The following CFAP45 variants were observed in gnomAD, a reference collection of about 807,000 sequenced individuals.
CFAP45 encodes cilia- and flagella-associated protein 45.
CFAP45 carries 43 observed loss-of-function variants against 75.6 expected under a neutral mutation model. The observed-to-expected ratio is 0.57, with a 90% CI of 0.45 to 0.73. The LOEUF (loss-of-function observed/expected upper bound fraction) is 0.73, where lower values mean the gene tolerates loss of function less well. Ranked by LOEUF, CFAP45 falls within the 30% of genes least tolerant of loss-of-function variation. The pLI is 0.00. For synonymous variants in CFAP45, 223 were observed against 244.6 expected (o/e 0.91, Z 0.82); for missense variants, 689 against 701.5 (o/e 0.98, Z 0.20).
intron 1 of CFAP45, among the ~76,000 whole-genome samples, chr1:159,895,887 C>A (rs1649941896): frequency 6.6e-6 from 1 of 152,202 alleles, no homozygotes; most frequent in South Asian, 2.1e-4. Flanking sequence ...CAGTGCCTGG[C>A]ACATGTAGTA....
intron 1 of CFAP45, among the ~76,000 whole-genome samples, chr1:159,897,248 A>C (rs1649972598): frequency 1.3e-5 from 2 of 152,020 alleles, no homozygotes; most frequent in Admixed American, 6.6e-5. Flanking sequence ...TGGGTGACAG[A>C]GCAAGACACT....
chr1:159,892,924 C>T (rs1649861739), intron 2 of CFAP45, among the ~76,000 whole-genome samples: 1 of 152,156 alleles, frequency 6.6e-6, no homozygotes, highest in African/African-American at 2.4e-5. Flanking sequence ...CTGAGCCTCC[C>T]TTTTGACATT....
rs1294861845 is a variant in CFAP45, at chr1:159,887,823, G to A, written c.588+18C>T. On this transcript the variant is annotated intron_variant, in intron 5 of 11. Coordinates refer to ENST00000368099, the MANE Select transcript of CFAP45 (RefSeq NM_012337.3). ...TGGCAGTGAATGCTCAGAGGGAAGG[G>A]AGAGACGAAGAGCCCACCTTGCTCA... is the stretch of plus-strand genomic sequence containing the variant. 3.7e-6 allele frequency: 6 copies of A among 1,602,922 alleles called. No homozygotes were observed. The Admixed American group carries it at 1.0e-4, about 27-fold the overall frequency.
At chr1:159,877,250 C>T in intron 9 of CFAP45, 99 bp downstream of exon 9, 2 of 876,134 alleles carry the variant, frequency 2.3e-6, no homozygotes, top group South Asian at 1.3e-5. Flanking sequence ...GCATCCTTTC[C>T]TCCGCATCTC....
chr1:159,899,998 C>G, intron 1 of CFAP45, 98 bp downstream of exon 1: 1 of 1,421,688 alleles, frequency 7.0e-7, no homozygotes, highest in Non-Finnish European at 9.8e-7. Context: ...CTCCTGACCC[C>G]TAGACCCAAC....
At chr1:159,898,424 T>C (rs907353790) in intron 1 of CFAP45, among the ~76,000 whole-genome samples, 2 of 152,364 alleles carry the variant, frequency 1.3e-5, no homozygotes, top group African/African-American at 4.8e-5. Flanking sequence ...CCTTTAAATA[T>C]TCTCCAAACC....
At chr1:159,888,711 T>C (rs1324392147) in intron 3 of CFAP45, among the ~76,000 whole-genome samples, 3 of 152,184 alleles carry the variant, frequency 2.0e-5, no homozygotes, top group Non-Finnish European at 4.4e-5. Flanking sequence ...TTTTAAGTCC[T>C]TTTTCTATTA....
chr1:159,884,030 G>A (rs1291917978), intron 7 of CFAP45, among the ~76,000 whole-genome samples: 2 of 152,214 alleles, frequency 1.3e-5, no homozygotes, highest in African/African-American at 4.8e-5. Context: ...TACTTTGAGT[G>A]AAGTAACAGC....
At position 159,887,871 on chromosome 1, in the gene CFAP45, C is replaced by T; in HGVS notation, c.558G>A (p.Glu186=). ...TCATGTCCTTGAGCTCCTCCTCCTG[C>T]TCCATCCGCAGCTTGTTGGCTCTCT... ...LLQRANKLRM[E]QEEELKDMSK... The change falls in exon 5 of 12, where the codon GAG becomes GAA. Residue 186 remains glutamate, a synonymous_variant. Transcript: ENST00000368099. 6.2e-7 allele frequency: 1 copy of T among 1,614,032 alleles called. No homozygotes were observed. The highest frequency in any genetic ancestry group is 8.5e-7 in the Non-Finnish European group (1 of 1,179,914).
chr1:159,890,651 G>A, intron 2 of CFAP45, 29 bp from the exon 3 acceptor site: 1 of 1,610,560 alleles, frequency 6.2e-7, no homozygotes. Context: ...TAGCTTAGAA[G>A]CTTGTCACCC....
intron 5 of CFAP45, 87 bp downstream of exon 5, chr1:159,887,754 T>G: frequency 7.5e-7 from 1 of 1,332,836 alleles, no homozygotes; most frequent in Non-Finnish European, 1.0e-6. Flanking sequence ...CCCCCACCAG[T>G]CCCTGGCCTT....
intron 4 of CFAP45, 127 bp from the exon 5 acceptor site, chr1:159,888,138 AG>A: frequency 1.7e-6 from 2 of 1,154,936 alleles, no homozygotes; most frequent in South Asian, 3.0e-5. Context: ...AGAGCCAAGA[AG>A]TTCCACAGCC....
chr1:159,872,808 T>C, intron 11 of CFAP45, 136 bp downstream of exon 11: 1 of 903,098 alleles, frequency 1.1e-6, no homozygotes, highest in Non-Finnish European at 1.7e-6. Context: ...GGATGAGCCC[T>C]GGGTGGGGAG....
chr1:159,875,687 G>GTT (rs760991252), intron 10 of CFAP45, among the ~76,000 whole-genome samples: 3 of 152,182 alleles, frequency 2.0e-5, no homozygotes, highest in Non-Finnish European at 4.4e-5. Context: ...TGCTTGGCTT[G>GTT]TTTCCTTTTG....
At chr1:159,877,570 C>G in intron 8 of CFAP45, 108 bp from the exon 9 acceptor site, 1 of 808,548 alleles carries the variant, frequency 1.2e-6, no homozygotes, top group Non-Finnish European at 2.2e-6. Context: ...CACTTCCTGA[C>G]TCCTTTTAAA....
chr1:159,897,126 C>T (rs1271156408), intron 1 of CFAP45, among the ~76,000 whole-genome samples: 2 of 151,902 alleles, frequency 1.3e-5, no homozygotes, highest in South Asian at 2.1e-4. Flanking sequence ...TAGCCAGGCA[C>T]GGTGGCGTAC....
chr1:159,889,321 A>G (rs1649772520), intron 3 of CFAP45, among the ~76,000 whole-genome samples: 1 of 152,180 alleles, frequency 6.6e-6, no homozygotes, highest in South Asian at 2.1e-4. Context: ...AGGCAGGTAC[A>G]TGCCAATTTG....
In CFAP45 at chr1:159,872,425, G is replaced by T; in HGVS notation, c.*60C>A. The T allele has an allele frequency of 7.9e-7, 1 of 1,259,822 alleles. No homozygotes were observed. Among genetic ancestry groups the T allele is most frequent in the Non-Finnish European group, 1.2e-6 (1 of 857,406 alleles). 78.0% of individuals were successfully genotyped at this position (1,259,822 alleles called of 1,614,324 possible). A position where few individuals can be genotyped will look rare whatever the true frequency, so the allele number is the denominator to read the frequency against. On this transcript the variant is annotated 3_prime_UTR_variant, in exon 12 of 12. Transcript: ENST00000368099. ...GTCTAGGTTAGCAGCAATTATGGAT[G>T]CCCAGAGACTGGGCAGAATCTGTCC...
At chr1:159,887,820 A>C (rs1649726316) in intron 5 of CFAP45, 21 bp downstream of exon 5, 10 of 1,601,760 alleles carry the variant, frequency 6.2e-6, no homozygotes, top group Non-Finnish European at 8.5e-6. Context: ...CTCAGAGGGA[A>C]GGGAGAGACG....
Sources: gnomAD v4.1 joint callset for allele counts (sites outside exome capture counted in the v4.1 genomes callset) on GRCh38, gnomAD v4.1.1 for gene constraint, MANE v1.5 for transcripts, NCBI Gene and HGNC (gene_info 2026-07-23, HGNC 2026-07-21) for gene names.